CAD: variants seen among roughly 807,000 people sequenced by gnomAD.
CAD encodes the protein carbamoyl-phosphate synthetase 2, aspartate transcarbamylase, and dihydroorotase.
CAD carries 81 observed loss-of-function variants against 237.2 expected under a neutral mutation model. The observed-to-expected ratio is 0.34, with a 90% CI of 0.29 to 0.41. The LOEUF is 0.41. CAD is among the 10% of genes least tolerant of loss of function. The pLI is 1.00. For synonymous variants in CAD, 1,196 were observed against 1,162.8 expected, an observed-to-expected ratio of 1.03 and a Z score of -0.58; for missense variants, 2,181 against 2,951.7, an observed-to-expected ratio of 0.74 and a Z score of 6.05.
At chr2:27,234,906 T>C (rs993083881) in intron 23 of CAD, among the ~76,000 whole-genome samples, 1 of 152,174 alleles carries the variant, frequency 6.6e-6, no homozygotes, top group Non-Finnish European at 1.5e-5. Flanking sequence ...CAGTCCGTGG[T>C]AAAACTACAT....
At position 27,235,684 on chromosome 2, in the gene CAD, AG is replaced by A. The variant is rs764834466; in HGVS notation, c.4074+49del. On this transcript the variant is annotated intron_variant, in intron 25 of 43. Transcript: ENST00000264705. This position sits in a 1 kb window ranked among gnomAD's most constrained non-coding sequence, Gnocchi z 5.2. ...CCTACCCCACTGCTGCCCTTCCCCA[AG>A]GGGGTGAAAATACTGCACCAAAGAA... 1 of 1,534,496 alleles carries A rather than the reference AG, an allele frequency of 6.5e-7. No individual in the cohort carries two copies. The highest frequency in any genetic ancestry group is 1.1e-5 in the South Asian group (1 of 89,120).
chr2:27,217,955 A>G lies in CAD; in HGVS notation c.161A>G (p.Tyr54Cys). ...AAGGCACAGATCTTAGTGCTCACCTATCCTCTGATCGGCAACTATGGCATC... is the reference window on the plus strand; with the variant it reads ...AAGGCACAGATCTTAGTGCTCACCTGTCCTCTGATCGGCAACTATGGCATC... ...SYKAQILVLT[Y>C]PLIGNYGIPP... Residue 54 changes from tyrosine to cysteine, a missense_variant, in exon 2 of 44, where the codon TAT becomes TGT. Transcript: ENST00000264705. 1 of 1,612,874 alleles carries G rather than the reference A, an allele frequency of 6.2e-7. No homozygotes were observed. The highest frequency in any genetic ancestry group is 1.6e-4 in the Middle Eastern group (1 of 6,062).
Position 27,239,507 on chromosome 2 carries a change from C to A in CAD, c.5394+36C>A, listed in dbSNP as rs769381542. On this transcript the variant is annotated intron_variant, in intron 33 of 43. Coordinates refer to ENST00000264705, the MANE Select transcript of CAD (RefSeq NM_004341.5). The surrounding 1 kb of genome is among the most constrained non-coding windows in gnomAD (Gnocchi z 4.0). Reference sequence around the variant, plus strand: ...AGCCCCTGCCTGATCTCAGTAGTGCCCTCTTCTGCACCACGTTCATTTCTT... The same window carrying A: ...AGCCCCTGCCTGATCTCAGTAGTGCACTCTTCTGCACCACGTTCATTTCTT... 1.9e-6 allele frequency: 3 copies of A among 1,605,864 alleles called. No individual in the cohort carries two copies. Among genetic ancestry groups the A allele is most frequent in the Non-Finnish European group, 2.6e-6 (3 of 1,174,228 alleles).
rs200367370 is a variant in CAD at position 27,232,075 on chromosome 2, C to T, written c.2496C>T (p.Ile832=). ...SVDRLYELTR[I]DRWFLHRMKR... Reference sequence around the variant, plus strand: ...ACCGCCTGTATGAGCTCACACGCATCGACCGCTGGTTCCTGCACCGAATGA... The same window carrying T: ...ACCGCCTGTATGAGCTCACACGCATTGACCGCTGGTTCCTGCACCGAATGA... The change falls in exon 17 of 44, where the codon ATC becomes ATT. Residue 832 remains isoleucine (I), a synonymous_variant. Transcript: ENST00000264705. This position sits in a 1 kb window ranked among gnomAD's most constrained non-coding sequence, Gnocchi z 4.1. 84 of 1,614,252 alleles carry T rather than the reference C, an allele frequency of 5.2e-5. No individual in the cohort carries two copies. In the Admixed American group the frequency reaches 1.2e-3, roughly 23 times the overall value.
At chr2:27,229,510 A>G (rs1031027427) in intron 15 of CAD, among the ~76,000 whole-genome samples, 3 of 151,882 alleles carry the variant, frequency 2.0e-5, no homozygotes, top group African/African-American at 7.3e-5. Context: ...GCCTTAGGTG[A>G]TCCTTCTGCC....
chr2:27,236,638 G>A lies in CAD; in HGVS notation c.4315-111G>A. On this transcript the variant is annotated intron_variant, in intron 26 of 43. Coordinates refer to ENST00000264705, the MANE Select transcript of CAD (RefSeq NM_004341.5). This position sits in a 1 kb window ranked among gnomAD's most constrained non-coding sequence, Gnocchi z 4.1. Reference sequence around the variant, plus strand: ...TAATAAAGCTTTGTGGCTACAGAGGGAGAGATGGTGGGTATAGAGTGTGCA... The same window carrying A: ...TAATAAAGCTTTGTGGCTACAGAGGAAGAGATGGTGGGTATAGAGTGTGCA... 6.5e-7 allele frequency: 1 copy of A among 1,547,488 alleles called. No homozygotes were observed. Among genetic ancestry groups the A allele is most frequent in the East Asian group, 2.2e-5 (1 of 44,456 alleles).
In CAD at chr2:27,233,448, A is replaced by T. The variant is rs1675860846; in HGVS notation, c.3128A>T (p.Asp1043Val). 2.5e-6 allele frequency: 4 copies of T among 1,614,140 alleles called. No individual in the cohort carries two copies. The highest frequency in any genetic ancestry group is 3.4e-6 in the Non-Finnish European group (4 of 1,180,036). ...CTGGGCACCTCCCCTGAAGCCATTG[A>T]CTCGGCTGAGAACCGTTTCAAGTTT... ...RVLGTSPEAI[D>V]SAENRFKFSR... is the part of the protein sequence containing the mutation. The change falls in exon 20 of 44, where the codon GAC (aspartate) becomes GTC (valine). Residue 1043 changes from aspartate to valine, a missense_variant. Asp to Val is a radical substitution (Grantham distance 152). Transcript: ENST00000264705. The surrounding 1 kb of genome is among the most constrained non-coding windows in gnomAD (Gnocchi z 6.3).
At position 27,228,931 on chromosome 2, in the gene CAD, T is replaced by C. The variant is rs146758336; in HGVS notation, c.2287+1969T>C. ...TTTCTTTTTTTTTTTTCTTTTTTTTTTTTTTTGAGGCAGAGTCTTCCTCTG... is the reference window on the plus strand; with the variant it reads ...TTTCTTTTTTTTTTTTCTTTTTTTTCTTTTTTGAGGCAGAGTCTTCCTCTG... On this transcript the variant is annotated intron_variant, in intron 15 of 43. Transcript: ENST00000264705. Among the ~76,000 whole-genome samples the C allele has an allele frequency of 3.8e-3, 564 of 146,930 alleles. 2 individuals are homozygous for C. Among genetic ancestry groups the C allele is most frequent in the African/African-American group, 0.014 (549 of 39,820 alleles).
At position 27,225,182 on chromosome 2, in the gene CAD, C is replaced by T; in HGVS notation, c.1559C>T (p.Ala520Val). The change falls in exon 11 of 44, where the codon GCC becomes GTC. Residue 520 changes from alanine to valine, a missense_variant. Transcript: ENST00000264705. ...ACCGAGGATCGACGGGCCTTTGCTG[C>T]CAGAATGGCAGAGATCGGAGAGCAT... ...ELTEDRRAFA[A>V]RMAEIGEHVA... 3 of 1,614,020 alleles carry T rather than the reference C, an allele frequency of 1.9e-6. No homozygotes were observed. Among genetic ancestry groups the T allele is most frequent in the Non-Finnish European group, 2.5e-6 (3 of 1,179,988 alleles).
chr2:27,218,542 G>C (rs1674987563), intron 2 of CAD, among the ~76,000 whole-genome samples: 1 of 152,074 alleles, frequency 6.6e-6, no homozygotes, highest in South Asian at 2.1e-4. Context: ...GGAAACTAGG[G>C]TCACATACTT....
At position 27,217,450 on chromosome 2, in the gene CAD, C is replaced by T. The variant is rs1049334176; in HGVS notation, c.-102C>T. 21 of 1,029,732 alleles carry T rather than the reference C, an allele frequency of 2.0e-5. No homozygotes were observed. Among genetic ancestry groups the T allele is most frequent in the African/African-American group, 6.4e-5 (4 of 62,388 alleles). The allele number at this position is 1,029,732 out of a possible 1,614,324, so 63.8% of individuals were successfully genotyped here. A position where few individuals can be genotyped will look rare whatever the true frequency, so the allele number is the denominator to read the frequency against. On this transcript the variant is annotated 5_prime_UTR_variant, in exon 1 of 44. Coordinates refer to ENST00000264705, the MANE Select transcript of CAD (RefSeq NM_004341.5). ...TCTCTCCAGCGCCCCGCGCCGTTAGCCACGTGGACCGACTCCGGCGCGCCG... is the reference window on the plus strand; with the variant it reads ...TCTCTCCAGCGCCCCGCGCCGTTAGTCACGTGGACCGACTCCGGCGCGCCG...
Position 27,221,211 on chromosome 2 carries a change from T to C in CAD, c.223-7T>C, listed in dbSNP as rs1045978940. The C allele has an allele frequency of 2.2e-5, 33 of 1,516,008 alleles. No individual in the cohort carries two copies. Among genetic ancestry groups the C allele is most frequent in the Non-Finnish European group, 2.7e-5 (30 of 1,124,846 alleles). 93.9% of individuals were successfully genotyped at this position (1,516,008 alleles called of 1,614,324 possible). A position where few individuals can be genotyped will look rare whatever the true frequency, so the allele number is the denominator to read the frequency against. On this transcript the variant is annotated splice_polypyrimidine_tract_variant and splice_region_variant and intron_variant, in intron 2 of 43. Transcript: ENST00000264705. Reference sequence around the variant, plus strand: ...TGAGGCTTCTCACAATCTCTTTCCATCTACAGTGGTTTGAATCCTCGGGCA... The same window carrying C: ...TGAGGCTTCTCACAATCTCTTTCCACCTACAGTGGTTTGAATCCTCGGGCA...
intron 23 of CAD, 101 bp downstream of exon 23, chr2:27,234,786 G>T: frequency 8.8e-7 from 1 of 1,131,284 alleles, no homozygotes; most frequent in Non-Finnish European, 1.3e-6. Context: ...CTGACTGCAA[G>T]GCATTGCCGG....
In CAD at chr2:27,233,694, T is replaced by C; in HGVS notation, c.3285T>C (p.Gly1095=). ...TGCGCCCCTCCTATGTGCTGAGCGGTGCTGCTATGAATGTGGCCTACACGG... is the reference window on the plus strand; with the variant it reads ...TGCGCCCCTCCTATGTGCTGAGCGGCGCTGCTATGAATGTGGCCTACACGG... The part of the protein sequence containing the change: ...CVVRPSYVLS[G]AAMNVAYTDG... Residue 1095 remains glycine (G), a synonymous_variant, in exon 21 of 44, where the codon GGT becomes GGC. Coordinates refer to ENST00000264705, the MANE Select transcript of CAD (RefSeq NM_004341.5). The surrounding 1 kb of genome is among the most constrained non-coding windows in gnomAD (Gnocchi z 6.3). 1 of 1,614,150 alleles carries C rather than the reference T, an allele frequency of 6.2e-7. No individual in the cohort carries two copies. Among genetic ancestry groups the C allele is most frequent in the South Asian group, 1.1e-5 (1 of 91,090 alleles).
rs528288174 is a variant in CAD, at chr2:27,242,252, G to A, written c.6097-50G>A. 8.2e-6 allele frequency: 13 copies of A among 1,586,312 alleles called. No individual in the cohort carries two copies. In the South Asian group the frequency reaches 1.5e-4, roughly 18 times the overall value. On this transcript the variant is annotated intron_variant, in intron 39 of 43. Transcript: ENST00000264705. The surrounding 1 kb of genome is among the most constrained non-coding windows in gnomAD (Gnocchi z 6.4). ...GGACCCCAGAAGAGGGGGACTGGCAGTTGGGGGGCCTCTGAGCTGCAAAAG... is the reference window on the plus strand; with the variant it reads ...GGACCCCAGAAGAGGGGGACTGGCAATTGGGGGGCCTCTGAGCTGCAAAAG...
chr2:27,237,510 A>G lies in CAD; in HGVS notation c.4528A>G (p.Ile1510Val), dbSNP rs1676071735. 1 of 1,613,908 alleles carries G rather than the reference A, an allele frequency of 6.2e-7. No individual in the cohort carries two copies. Among genetic ancestry groups the G allele is most frequent in the Non-Finnish European group, 8.5e-7 (1 of 1,180,004 alleles). The change falls in exon 28 of 44, where the codon ATC (isoleucine) becomes GTC (valine). Residue 1510 changes from isoleucine (I) to valine (V), a missense_variant. This residue lies in a region of CAD where 478 missense variants were observed against 515.0 expected (regional missense o/e 0.93). Coordinates refer to ENST00000264705, the MANE Select transcript of CAD (RefSeq NM_004341.5). The surrounding 1 kb of genome is among the most constrained non-coding windows in gnomAD (Gnocchi z 4.0). ...TGCCATGCCTAATACCCGGCCCCCCATCATTGACGCCCCTGCTCTGGCCCT... is the reference window on the plus strand; with the variant it reads ...TGCCATGCCTAATACCCGGCCCCCCGTCATTGACGCCCCTGCTCTGGCCCT... The part of the protein sequence containing the change: ...VCAMPNTRPP[I>V]IDAPALALAQ...
At chr2:27,219,125 C>T (rs1427975088) in intron 2 of CAD, among the ~76,000 whole-genome samples, 1 of 152,128 alleles carries the variant, frequency 6.6e-6, no homozygotes, top group Non-Finnish European at 1.5e-5. Flanking sequence ...TGGGAAAGGC[C>T]TCTTGGAGCC....
Position 27,236,942 on chromosome 2 carries a change from A to T in CAD, c.4396+112A>T. 2 of 843,636 alleles carry T rather than the reference A, an allele frequency of 2.4e-6. No individual in the cohort carries two copies. Among genetic ancestry groups the T allele is most frequent in the Non-Finnish European group, 4.1e-6 (2 of 486,166 alleles). The allele number at this position is 843,636 out of a possible 1,614,324, so 52.3% of individuals were successfully genotyped here. A position where few individuals can be genotyped will look rare whatever the true frequency, so the allele number is the denominator to read the frequency against. The stretch of plus-strand genomic sequence containing the variant: ...CCACTCTTTGTCCTGGACTGCACAG[A>T]CTGTGAAGACCCCAGAATGTTTCTC... On this transcript the variant is annotated intron_variant, in intron 27 of 43. Coordinates refer to ENST00000264705, the MANE Select transcript of CAD (RefSeq NM_004341.5). This position sits in a 1 kb window ranked among gnomAD's most constrained non-coding sequence, Gnocchi z 4.1.
Position 27,234,069 on chromosome 2 carries a change from A to G in CAD, c.3461A>G (p.His1154Arg). 6.2e-7 allele frequency: 1 copy of G among 1,614,166 alleles called. No individual in the cohort carries two copies. The highest frequency in any genetic ancestry group is 8.5e-7 in the Non-Finnish European group (1 of 1,180,014). ...GVVAAIAISEHVENAGVHSGD... is the reference protein window; with the variant it reads ...GVVAAIAISERVENAGVHSGD... ...GTGGCAGCCATCGCCATCTCTGAGCATGTGGAGAATGCAGGTGTGCATTCA... is the reference window on the plus strand; with the variant it reads ...GTGGCAGCCATCGCCATCTCTGAGCGTGTGGAGAATGCAGGTGTGCATTCA... The change falls in exon 22 of 44, where the codon CAT becomes CGT. Residue 1154 changes from histidine (H) to arginine (R), a missense_variant. His to Arg is a conservative substitution (Grantham distance 29). Transcript: ENST00000264705.
Sources: gnomAD v4.1 joint callset for allele counts (sites outside exome capture counted in the v4.1 genomes callset) on GRCh38, gnomAD v4.1.1 for gene constraint, gnomAD v4.1.1 regional missense constraint, Gnocchi (gnomAD v3.1) non-coding constraint, MANE v1.5 for transcripts, NCBI Gene and HGNC (gene_info 2026-07-23, HGNC 2026-07-21) for gene names.